Variants in CSMD1 observed in about 807,000 individuals in gnomAD.
The protein encoded by CSMD1 is CUB and Sushi multiple domains 1.
CSMD1 carries 213 observed loss-of-function variants against 417.5 expected under a neutral mutation model. That is an observed-to-expected ratio of 0.51 (90% CI 0.46 to 0.57). The LOEUF (loss-of-function observed/expected upper bound fraction) is 0.57. Ranked by LOEUF, CSMD1 falls within the 20% of genes least tolerant of loss-of-function variation. CSMD1 has a pLI of 0.00. For synonymous variants in CSMD1, 2,862 were observed against 1,736.8 expected (o/e 1.65, Z -16.11); for missense variants, 6,923 against 4,529.7 (o/e 1.53, Z -15.17).
chr8:3,249,113 C>G (rs557943267), intron 26 of CSMD1, among the ~76,000 whole-genome samples: 1 of 152,098 alleles, frequency 6.6e-6, no homozygotes. Flanking sequence ...AAGCACTTAG[C>G]CCGAGAATTG....
chr8:3,839,040 A>G (rs1333171458), intron 5 of CSMD1, among the ~76,000 whole-genome samples: 3 of 127,864 alleles, frequency 2.3e-5, no homozygotes, highest in Non-Finnish European at 4.7e-5. Context: ...TATATTTATT[A>G]TATATATAAA....
chr8:4,236,302 C>G (rs1314828666), intron 3 of CSMD1, among the ~76,000 whole-genome samples: 1 of 151,918 alleles, frequency 6.6e-6, no homozygotes, highest in East Asian at 1.9e-4. Context: ...GAAACTAGAA[C>G]GCAGGAAACA....
chr8:3,899,663 G>A (rs1195677013), intron 5 of CSMD1, among the ~76,000 whole-genome samples: 1 of 152,180 alleles, frequency 6.6e-6, no homozygotes, highest in East Asian at 1.9e-4. Context: ...AGACAAGAAG[G>A]TGGCTTTTGT....
chr8:4,697,842 GT>G (rs1807238909), intron 1 of CSMD1, among the ~76,000 whole-genome samples: 1 of 152,138 alleles, frequency 6.6e-6, no homozygotes, highest in Admixed American at 6.5e-5. Context: ...TTCAAAATTA[GT>G]AAACTGCTTG....
chr8:4,517,405 G>A (rs572598428), intron 2 of CSMD1, among the ~76,000 whole-genome samples: 4 of 152,068 alleles, frequency 2.6e-5, no homozygotes, highest in East Asian at 1.9e-4. Context: ...TGGCTTCCTC[G>A]CCTATAACAC....
intron 3 of CSMD1, among the ~76,000 whole-genome samples, chr8:4,186,714 C>T (rs529363400): frequency 1.3e-5 from 2 of 151,938 alleles, no homozygotes; most frequent in South Asian, 2.1e-4. Flanking sequence ...CAGCGGCGTA[C>T]GGTCGCTCAC....
At chr8:3,188,199 A>G (rs1248956802) in intron 35 of CSMD1, among the ~76,000 whole-genome samples, 2 of 139,298 alleles carry the variant, frequency 1.4e-5, no homozygotes, top group Non-Finnish European at 3.1e-5. Context: ...TACCTTAATC[A>G]TGAAAATCAT....
intron 3 of CSMD1, among the ~76,000 whole-genome samples, chr8:4,147,625 G>A (rs1269029543): frequency 3.3e-5 from 5 of 152,100 alleles, no homozygotes; most frequent in Non-Finnish European, 5.9e-5. Flanking sequence ...TGGACATGTG[G>A]CATGTAGTGC....
chr8:3,453,178 T>C (rs540807551), intron 12 of CSMD1, among the ~76,000 whole-genome samples: 1 of 152,314 alleles, frequency 6.6e-6, no homozygotes, highest in South Asian at 2.1e-4. Flanking sequence ...CTTCATTTTT[T>C]ATTGCTTCTA....
intron 5 of CSMD1, among the ~76,000 whole-genome samples, chr8:3,862,170 TACA>T (rs1404449074): frequency 6.6e-6 from 1 of 152,234 alleles, no homozygotes; most frequent in Non-Finnish European, 1.5e-5. Flanking sequence ...CTTCTACCTA[TACA>T]ACATCATAGC....
At chr8:3,866,899 G>A (rs547179299) in intron 5 of CSMD1, among the ~76,000 whole-genome samples, 3 of 152,274 alleles carry the variant, frequency 2.0e-5, no homozygotes, top group East Asian at 3.9e-4. Context: ...AAGACATGGT[G>A]ATGTTTTCAT....
intron 65 of CSMD1, among the ~76,000 whole-genome samples, chr8:2,952,022 T>C (rs595834): frequency 0.78 from 118,086 of 152,144 alleles, 46,100 homozygotes; most frequent in Non-Finnish European, 0.79. Flanking sequence ...GAGATATTTC[T>C]TCTTGTTTTC....
chr8:4,692,465 C>T (rs143145890), intron 1 of CSMD1, among the ~76,000 whole-genome samples: 16 of 152,190 alleles, frequency 1.1e-4, no homozygotes, highest in African/African-American at 3.9e-4. Context: ...TGGCTATGGT[C>T]GACCACATGG....
chr8:3,915,358 A>G (rs1808743865), intron 5 of CSMD1, among the ~76,000 whole-genome samples: 1 of 146,348 alleles, frequency 6.8e-6, no homozygotes, highest in Admixed American at 6.9e-5. Flanking sequence ...GTGAGCTTAG[A>G]TAGTGCCACT....
chr8:3,261,024 C>G (rs573100996), intron 26 of CSMD1, among the ~76,000 whole-genome samples: 1 of 152,102 alleles, frequency 6.6e-6, no homozygotes, highest in Non-Finnish European at 1.5e-5. Flanking sequence ...CAAAAAAAAC[C>G]TTTCACTGTA....
At chr8:3,925,626 T>C (rs1288680680) in intron 5 of CSMD1, among the ~76,000 whole-genome samples, 2 of 152,004 alleles carry the variant, frequency 1.3e-5, no homozygotes, top group Non-Finnish European at 2.9e-5. Context: ...TGAATAAGTC[T>C]CATGAGATCT....
chr8:3,263,994 AG>A (rs1375435458), intron 26 of CSMD1, among the ~76,000 whole-genome samples: 36 of 152,222 alleles, frequency 2.4e-4, no homozygotes, highest in African/African-American at 8.7e-4. Context: ...TGAAACTGAA[AG>A]ATCCTTAATT....
At chr8:4,993,393 T>TCTCTCTCCCTCTTTCTCGCC (rs1444176082) in intron 1 of CSMD1, among the ~76,000 whole-genome samples, 1 of 152,160 alleles carries the variant, frequency 6.6e-6, no homozygotes, top group Non-Finnish European at 1.5e-5. Context: ...TCTCTCTCTG[T>TCTCTCTCCCTCTTTCTCGCC]CTCTCTCCCT....
chr8:4,168,926 T>G (rs1194768292), intron 3 of CSMD1, among the ~76,000 whole-genome samples: 1 of 152,172 alleles, frequency 6.6e-6, no homozygotes, highest in Non-Finnish European at 1.5e-5. Flanking sequence ...CTTGCTCTGT[T>G]TAACCTTGGC....
Sources: allele counts gnomAD v4.1 joint callset (sites outside exome capture counted in the v4.1 genomes callset), GRCh38; gene constraint gnomAD v4.1.1; transcripts MANE v1.5; gene names NCBI Gene and HGNC (gene_info 2026-07-23, HGNC 2026-07-21).